The following FHIT variants were observed in gnomAD, a reference collection of about 807,000 sequenced individuals.
The protein encoded by FHIT is bis(5'-adenosyl)-triphosphatase.
In FHIT, 19 loss-of-function variants were observed where a neutral mutation model predicts 17.9. The observed-to-expected ratio is 1.06, with a 90% CI of 0.74 to 1.56. The LOEUF (loss-of-function observed/expected upper bound fraction) is 1.56, where lower values mean the gene tolerates loss of function less well. FHIT is among the 40% of genes most tolerant of loss of function. The pLI is 0.00. For missense variants in FHIT, 248 were observed against 189.2 expected, an observed-to-expected ratio of 1.31 and a Z score of -1.82; for synonymous variants, 81 against 69.7, an observed-to-expected ratio of 1.16 and a Z score of -0.81.
intron 4 of FHIT, among the ~76,000 whole-genome samples, chr3:60,724,659 T>G (rs1367540975): frequency 1.5e-5 from 2 of 131,918 alleles, no homozygotes; most frequent in Admixed American, 7.7e-5. Context: ...TTTTTTTTTT[T>G]GTTTTTTTTT....
intron 2 of FHIT, among the ~76,000 whole-genome samples, chr3:61,160,895 G>A (rs1200129102): frequency 1.3e-5 from 2 of 152,172 alleles, no homozygotes; most frequent in African/African-American, 4.8e-5. Context: ...CTTTGCTACT[G>A]AATTGTCCAG....
At chr3:60,704,025 T>C (rs1357149006) in intron 4 of FHIT, among the ~76,000 whole-genome samples, 2 of 152,142 alleles carry the variant, frequency 1.3e-5, no homozygotes, top group Admixed American at 6.5e-5. Flanking sequence ...CCAGTATTGA[T>C]TGGCAGAGTT....
chr3:60,622,973 G>T (rs1436814746), intron 4 of FHIT, among the ~76,000 whole-genome samples: 2 of 152,190 alleles, frequency 1.3e-5, no homozygotes, highest in African/African-American at 4.8e-5. Context: ...ACTTCAAGAT[G>T]CTGCTGTTGA....
chr3:59,831,115 G>A (rs536755633), intron 8 of FHIT, among the ~76,000 whole-genome samples: 77 of 152,258 alleles, frequency 5.1e-4, no homozygotes, highest in African/African-American at 1.7e-3. Flanking sequence ...TAGGGTTCTC[G>A]TGAAGATGTG....
In FHIT at chr3:60,366,559, T is replaced by C. The variant is rs1559856944; in HGVS notation, c.103+170301A>G. Among the ~76,000 whole-genome samples the C allele has an allele frequency of 2.0e-5, 3 of 152,210 alleles. No individual in the cohort carries two copies. In the South Asian group the frequency reaches 6.2e-4, roughly 32 times the overall value. The stretch of plus-strand genomic sequence containing the variant: ...ATTAGGTTATGGTGCTCTACCCTCA[T>C]GAATGGATTAATGCTGTTACCACTT... On this transcript the variant is annotated intron_variant, in intron 5 of 9. Transcript: ENST00000492590.
intron 8 of FHIT, among the ~76,000 whole-genome samples, chr3:59,858,705 A>G (rs1315913486): frequency 6.6e-6 from 1 of 152,076 alleles, no homozygotes; most frequent in African/African-American, 2.4e-5. Context: ...GAAGCAGAGC[A>G]GAGGATGAGA....
At chr3:60,387,023 C>CTT (rs71627536) in intron 5 of FHIT, among the ~76,000 whole-genome samples, 2 of 136,410 alleles carry the variant, frequency 1.5e-5, no homozygotes, top group African/African-American at 5.4e-5. Context: ...TCTATTTATT[C>CTT]TTTTTTTTTT....
chr3:60,914,337 C>T (rs1706894220), intron 3 of FHIT, among the ~76,000 whole-genome samples: 1 of 152,020 alleles, frequency 6.6e-6, no homozygotes, highest in African/African-American at 2.4e-5. Flanking sequence ...ATTTAAGTAG[C>T]AGTGCCAGAT....
intron 5 of FHIT, among the ~76,000 whole-genome samples, chr3:60,037,775 A>C (rs921396255): frequency 6.7e-6 from 1 of 150,178 alleles, no homozygotes; most frequent in African/African-American, 2.5e-5. Context: ...GTGCAGTGAC[A>C]TGATCTCGGC....
At chr3:60,290,438 C>A (rs1283705598) in intron 5 of FHIT, among the ~76,000 whole-genome samples, 2 of 151,902 alleles carry the variant, frequency 1.3e-5, no homozygotes, top group Non-Finnish European at 2.9e-5. Flanking sequence ...TGAGACAAGG[C>A]AAGCTGACCT....
chr3:61,090,805 T>C (rs2035458382), intron 2 of FHIT, among the ~76,000 whole-genome samples: 1 of 152,216 alleles, frequency 6.6e-6, no homozygotes, highest in South Asian at 2.1e-4. Context: ...TTTGTCACCC[T>C]TGTTAAAATC....
chr3:60,964,708 A>G (rs1369870848), intron 3 of FHIT, among the ~76,000 whole-genome samples: 2 of 152,154 alleles, frequency 1.3e-5, no homozygotes, highest in Non-Finnish European at 2.9e-5. Flanking sequence ...GTTTGGCTGG[A>G]TATGAAATTC....
At chr3:60,861,941 TCAAA>T (rs1703926403) in intron 3 of FHIT, among the ~76,000 whole-genome samples, 1 of 79,964 alleles carries the variant, frequency 1.3e-5, no homozygotes, top group Non-Finnish European at 2.3e-5. Context: ...AGACTCGGTC[TCAAA>T]AAAAAAAAAA....
intron 8 of FHIT, among the ~76,000 whole-genome samples, chr3:59,790,333 T>C (rs189332622): frequency 6.6e-6 from 1 of 152,288 alleles, no homozygotes; most frequent in Admixed American, 6.5e-5. Flanking sequence ...AAGGACACGG[T>C]GCACTGAGTC....
Position 61,153,255 on chromosome 3 carries a change from A to G in FHIT, c.-164+47362T>C, listed in dbSNP as rs78466396. The stretch of plus-strand genomic sequence containing the variant: ...CATCTCCTGAAATCCAAGTTGCCAT[A>G]AATTGAAAAATAGTTGGCTTAATGA... On this transcript the variant is annotated intron_variant, in intron 2 of 9. Coordinates refer to ENST00000492590, the MANE Select transcript of FHIT (RefSeq NM_002012.4). Among the ~76,000 whole-genome samples, 24 of 152,312 alleles carry G rather than the reference A, an allele frequency of 1.6e-4. No individual in the cohort carries two copies. In the East Asian group the frequency reaches 3.7e-3, roughly 23 times the overall value.
At chr3:60,353,844 G>A (rs1355195069) in intron 5 of FHIT, among the ~76,000 whole-genome samples, 4 of 152,070 alleles carry the variant, frequency 2.6e-5, no homozygotes, top group Admixed American at 6.6e-5. Context: ...AAATTTATAA[G>A]AAGTGTGTAA....
At chr3:60,045,633 C>G (rs558016441) in intron 5 of FHIT, among the ~76,000 whole-genome samples, 1 of 152,140 alleles carries the variant, frequency 6.6e-6, no homozygotes, top group Non-Finnish European at 1.5e-5. Flanking sequence ...ATTCTCTCCC[C>G]TTCCCTCTCT....
chr3:59,976,806 T>C (rs1465845757), intron 7 of FHIT, among the ~76,000 whole-genome samples: 1 of 152,138 alleles, frequency 6.6e-6, no homozygotes, highest in Non-Finnish European at 1.5e-5. Context: ...TATCTCCTCC[T>C]CCTTCATCGT....
chr3:59,986,447 T>C (rs1307604560), intron 7 of FHIT, among the ~76,000 whole-genome samples: 4 of 144,454 alleles, frequency 2.8e-5, no homozygotes, highest in Non-Finnish European at 4.5e-5. Flanking sequence ...AAGTCTGTGA[T>C]TGGATCTCCC....
Sources: gnomAD v4.1 joint callset for allele counts (sites outside exome capture counted in the v4.1 genomes callset) on GRCh38, gnomAD v4.1.1 for gene constraint, MANE v1.5 for transcripts, NCBI Gene and HGNC (gene_info 2026-07-23, HGNC 2026-07-21) for gene names.